Variants in TAMM41 observed in about 807,000 individuals in gnomAD.
TAMM41 encodes phosphatidate cytidylyltransferase, mitochondrial.
TAMM41 carries 36 observed loss-of-function variants against 44.1 expected under a neutral mutation model. The ratio of observed to expected loss-of-function variants is 0.82; its 90% CI spans 0.63 to 1.08. The LOEUF (loss-of-function observed/expected upper bound fraction) is 1.08. Among genes scored for constraint, TAMM41 ranks in the 50% least tolerant of loss-of-function variants. The probability of loss-of-function intolerance (pLI) is 0.00; values close to 1 mark genes in which losing one functional copy is unlikely to be tolerated. For synonymous variants in TAMM41, 164 were observed against 153.1 expected, an observed-to-expected ratio of 1.07 and a Z score of -0.53; for missense variants, 417 against 404.3, an observed-to-expected ratio of 1.03 and a Z score of -0.27.
the TAMM41 span, among the ~76,000 whole-genome samples, chr3:11,729,539 ATTTTTTT>A: frequency 9.3e-5 from 3 of 32,290 alleles, no homozygotes; most frequent in Non-Finnish European, 1.4e-4. Context: ...TCTTTCTTTC[ATTTTTTT>A]TTTTTTTTTT....
chr3:11,808,153 A>T, intron 6 of TAMM41: 1 of 953,374 alleles, frequency 1.0e-6, no homozygotes, highest in Non-Finnish European at 1.4e-6. Context: ...TCTTCCCCTT[A>T]AAACAAGGGG....
At chr3:11,749,613 A>G in the TAMM41 span, among the ~76,000 whole-genome samples, 1 of 152,202 alleles carries the variant, frequency 6.6e-6, no homozygotes, top group Admixed American at 6.5e-5. Flanking sequence ...ACACAAATCA[A>G]TTCCATACCA....
intron 4 of TAMM41, among the ~76,000 whole-genome samples, chr3:11,824,305 C>G (rs1233875852): frequency 6.6e-6 from 1 of 151,682 alleles, no homozygotes; most frequent in East Asian, 1.9e-4. Flanking sequence ...ATTCTCCTGC[C>G]TCAGCCTCCC....
At chr3:11,738,426 G>A in the TAMM41 span, among the ~76,000 whole-genome samples, 1 of 152,126 alleles carries the variant, frequency 6.6e-6, no homozygotes, top group Non-Finnish European at 1.5e-5. Context: ...TGTGTAACTG[G>A]TCAATACATG....
intron 4 of TAMM41, among the ~76,000 whole-genome samples, chr3:11,818,232 C>A (rs536980632): frequency 4.6e-5 from 7 of 152,302 alleles, no homozygotes; most frequent in African/African-American, 1.7e-4. Context: ...GATAACCCAG[C>A]TGCTGAGGAA....
the TAMM41 span, among the ~76,000 whole-genome samples, chr3:11,784,765 G>A: frequency 1.3e-5 from 2 of 150,556 alleles, no homozygotes; most frequent in East Asian, 1.9e-4. Context: ...ACTCTTTCCT[G>A]CCAGAAAAGT....
chr3:11,767,720 G>A, the TAMM41 span, among the ~76,000 whole-genome samples: 1 of 141,676 alleles, frequency 7.1e-6, no homozygotes, highest in Non-Finnish European at 1.5e-5. Context: ...CCGCCTCCCG[G>A]GTTCAAGCAA....
intron 4 of TAMM41, among the ~76,000 whole-genome samples, chr3:11,828,685 G>A (rs781496393): frequency 2.6e-5 from 4 of 152,204 alleles, no homozygotes; most frequent in African/African-American, 4.8e-5. Flanking sequence ...GAAGCTGGAA[G>A]CACCCAGAGA....
At chr3:11,833,236 A>G in intron 3 of TAMM41, 1 of 1,077,048 alleles carries the variant, frequency 9.3e-7, no homozygotes, top group South Asian at 1.9e-5. Flanking sequence ...CATAGATAAC[A>G]TTAGCACGAC....
chr3:11,794,199 T>C (rs2077552989), intron 7 of TAMM41, among the ~76,000 whole-genome samples: 1 of 151,724 alleles, frequency 6.6e-6, no homozygotes, highest in South Asian at 2.1e-4. Flanking sequence ...TGCAGTGGCA[T>C]AATCAAAGCT....
the TAMM41 span, among the ~76,000 whole-genome samples, chr3:11,726,227 C>G: frequency 6.6e-6 from 1 of 152,220 alleles, no homozygotes; most frequent in Non-Finnish European, 1.5e-5. Context: ...CTTCTCTTCA[C>G]TCCGACTTGT....
At chr3:11,839,782 G>C (rs1168761786) in intron 2 of TAMM41, among the ~76,000 whole-genome samples, 2 of 152,280 alleles carry the variant, frequency 1.3e-5, no homozygotes, top group Middle Eastern at 3.4e-3. Flanking sequence ...ACAAGATTAG[G>C]GTTATGGGAA....
rs760633974 is a variant in TAMM41 at position 11,817,284 on chromosome 3, T to A, written c.616A>T (p.Lys206Ter). ...TCTCGAAAGTGGGCTATATTGGGCT[T>A]CACAATATTCAACACTTTTGTTTTA... is the stretch of plus-strand genomic sequence containing the variant. ...EDKTKVLNIV[K>*]PNIAHFRELY... The change falls in exon 5 of 8, where the codon AAG becomes TAG. Residue 206 changes from lysine to a stop codon, truncating the protein, a stop_gained. Coordinates refer to ENST00000455809, the MANE Select transcript of TAMM41 (RefSeq NM_001284401.2). LOFTEE classifies it high-confidence loss of function. 3 of 1,613,280 alleles carry A rather than the reference T, an allele frequency of 1.9e-6. No homozygotes were observed. The highest frequency in any genetic ancestry group is 2.5e-6 in the Non-Finnish European group (3 of 1,179,288).
the TAMM41 span, among the ~76,000 whole-genome samples, chr3:11,729,538 C>CTTTTTTTTTTTTTTTTTTTTTTTTTTT: frequency 2.0e-4 from 13 of 65,540 alleles, 2 homozygotes; most frequent in African/African-American, 6.3e-4. Flanking sequence ...TTCTTTCTTT[C>CTTTTTTTTTTTTTTTTTTTTTTTTTTT]ATTTTTTTTT....
At chr3:11,845,090 G>T (rs2079621703) in intron 1 of TAMM41, 5 of 432,686 alleles carry the variant, frequency 1.2e-5, no homozygotes, top group Non-Finnish European at 1.9e-5. Flanking sequence ...GCTGCCGTCA[G>T]ATATGACTGA....
chr3:11,846,614 C>CTCTGCAGCG lies in TAMM41; in HGVS notation c.14_22dup (p.Thr5_Gln7dup), dbSNP rs763250804. 5.6e-6 allele frequency: 9 copies of CTCTGCAGCG among 1,614,118 alleles called. No individual in the cohort carries two copies. In the African/African-American group the frequency reaches 1.1e-4, roughly 19 times the overall value. ...GATCTTGCGGAAGGTCACCCACGAG[C>CTCTGCAGCG]TCTGCAGCGTCTGCAGCGCCATGGG... On this transcript the variant is annotated inframe_insertion, in exon 1 of 8. Coordinates refer to ENST00000455809, the MANE Select transcript of TAMM41 (RefSeq NM_001284401.2).
chr3:11,845,216 G>A, intron 1 of TAMM41: 1 of 336,020 alleles, frequency 3.0e-6, no homozygotes. Context: ...GGGGGTGGGG[G>A]AATTAGATCT....
the TAMM41 span, among the ~76,000 whole-genome samples, chr3:11,745,603 C>T: frequency 6.6e-6 from 1 of 152,096 alleles, no homozygotes; most frequent in East Asian, 1.9e-4. Context: ...TATATTTCCA[C>T]ATCTATGAGG....
the TAMM41 span, among the ~76,000 whole-genome samples, chr3:11,763,153 T>C: frequency 1.3e-5 from 2 of 152,206 alleles, no homozygotes; most frequent in East Asian, 3.8e-4. Flanking sequence ...CACCTTTTTG[T>C]TTTTTGAGAC....
Sources: allele counts gnomAD v4.1 joint callset (sites outside exome capture counted in the v4.1 genomes callset), GRCh38; gene constraint gnomAD v4.1.1; transcripts MANE v1.5; gene names NCBI Gene and HGNC (gene_info 2026-07-23, HGNC 2026-07-21).